SCD5: variants seen among roughly 807,000 people sequenced by gnomAD.
The protein encoded by SCD5 is stearoyl-CoA desaturase 5, also known as acyl-CoA-desaturase 4.
Under a neutral mutation model 30.4 loss-of-function variants are expected in SCD5, and 20 were observed. That is an observed-to-expected ratio of 0.66 (90% CI 0.46 to 0.96). SCD5 has a LOEUF of 0.96. SCD5 is among the 40% of genes least tolerant of loss of function. SCD5 has a pLI of 0.00. For missense variants in SCD5, 381 were observed against 443.3 expected, an observed-to-expected ratio of 0.86 and a Z score of 1.26; for synonymous variants, 173 against 176.4, an observed-to-expected ratio of 0.98 and a Z score of 0.16.
intron 3 of SCD5, chr4:82,660,715 C>T (rs1404858484): frequency 1.2e-5 from 17 of 1,448,772 alleles, no homozygotes; most frequent in Non-Finnish European, 1.5e-5. Flanking sequence ...GTAGCTGCCT[C>T]CTTGTGTCAA....
chr4:82,641,159 CAGG>C (rs1727534418), intron 3 of SCD5, among the ~76,000 whole-genome samples: 1 of 138,760 alleles, frequency 7.2e-6, no homozygotes, highest in Non-Finnish European at 1.5e-5. Context: ...GAGGCTGAGG[CAGG>C]AGAATTGCTT....
At position 82,766,355 on chromosome 4, in the gene SCD5, T is replaced by G. The variant is rs148894628; in HGVS notation, c.232+31951A>C. ...TGTTTTCAAATTCACTAATTTATTT[T>G]TTTGCAGTGTGTAAATAAATCCTAT... is the stretch of plus-strand genomic sequence containing the variant. On this transcript the variant is annotated intron_variant, in intron 1 of 4. Coordinates refer to ENST00000319540, the MANE Select transcript of SCD5 (RefSeq NM_001037582.3). Among the ~76,000 whole-genome samples, 382 of 152,362 alleles carry G rather than the reference T, an allele frequency of 2.5e-3. 1 individual carries two copies. The highest frequency in any genetic ancestry group is 8.7e-3 in the African/African-American group (362 of 41,584).
chr4:82,797,706 T>C (rs1053577919), intron 1 of SCD5, among the ~76,000 whole-genome samples: 1 of 151,238 alleles, frequency 6.6e-6, no homozygotes, highest in African/African-American at 2.4e-5. Flanking sequence ...GCATAGAAGA[T>C]TGCGGAGGGG....
At chr4:82,741,379 A>C (rs1720869743) in intron 1 of SCD5, among the ~76,000 whole-genome samples, 1 of 152,146 alleles carries the variant, frequency 6.6e-6, no homozygotes, top group Non-Finnish European at 1.5e-5. Context: ...AAACACTGCC[A>C]TGCTTGTTCT....
At chr4:82,721,790 C>A (rs1720374922) in intron 1 of SCD5, among the ~76,000 whole-genome samples, 1 of 152,220 alleles carries the variant, frequency 6.6e-6, no homozygotes, top group South Asian at 2.1e-4. Context: ...TAAGCCACCC[C>A]ATCCGTAGTA....
At chr4:82,664,136 C>T (rs1327590186) in intron 3 of SCD5, among the ~76,000 whole-genome samples, 1 of 152,092 alleles carries the variant, frequency 6.6e-6, no homozygotes, top group African/African-American at 2.4e-5. Flanking sequence ...CAGCTAAAAG[C>T]CGAGGGTACA....
At chr4:82,767,555 G>A (rs866306756) in intron 1 of SCD5, among the ~76,000 whole-genome samples, 7 of 152,090 alleles carry the variant, frequency 4.6e-5, no homozygotes, top group South Asian at 2.1e-4. Flanking sequence ...CACATATTTT[G>A]TCTAGTTTTT....
At chr4:82,797,815 G>C (rs1489573555) in intron 1 of SCD5, among the ~76,000 whole-genome samples, 1 of 152,104 alleles carries the variant, frequency 6.6e-6, no homozygotes, top group Non-Finnish European at 1.5e-5. Context: ...TCTCCTCCCC[G>C]GTCCAACTCC....
At chr4:82,765,146 A>G (rs1365293432) in intron 1 of SCD5, among the ~76,000 whole-genome samples, 1 of 152,186 alleles carries the variant, frequency 6.6e-6, no homozygotes, top group African/African-American at 2.4e-5. Context: ...TTTTAATTGA[A>G]GGACTTCCTT....
At chr4:82,758,729 GC>G (rs1721283080) in intron 1 of SCD5, among the ~76,000 whole-genome samples, 1 of 152,136 alleles carries the variant, frequency 6.6e-6, no homozygotes, top group South Asian at 2.1e-4. Context: ...GGGAGGGCGG[GC>G]CTTCCTTACC....
chr4:82,695,209 A>C (rs750060343), intron 2 of SCD5, among the ~76,000 whole-genome samples: 14 of 152,144 alleles, frequency 9.2e-5, no homozygotes, highest in Non-Finnish European at 2.1e-4. Context: ...AGAACATAAC[A>C]GTGAGGTTGG....
intron 2 of SCD5, chr4:82,692,342 G>A (rs140600698): frequency 1.5e-3 from 243 of 156,988 alleles, no homozygotes; most frequent in Non-Finnish European, 2.9e-3. Flanking sequence ...TGCCCATGCA[G>A]TTCTTGGTCT....
chr4:82,731,799 A>C (rs1720648531), intron 1 of SCD5, among the ~76,000 whole-genome samples: 1 of 152,110 alleles, frequency 6.6e-6, no homozygotes, highest in Non-Finnish European at 1.5e-5. Context: ...TCACACAAAT[A>C]CTGAACCCCA....
chr4:82,760,791 T>C (rs1324411655), intron 1 of SCD5, among the ~76,000 whole-genome samples: 3 of 152,232 alleles, frequency 2.0e-5, no homozygotes, highest in Admixed American at 6.5e-5. Context: ...ATACGCCACC[T>C]TGTATGGCAA....
intron 3 of SCD5, among the ~76,000 whole-genome samples, chr4:82,648,056 G>A (rs867151507): frequency 3.9e-5 from 6 of 152,346 alleles, no homozygotes; most frequent in Middle Eastern, 6.8e-3. Flanking sequence ...TCAAGTCCAC[G>A]AAAAGAGAGT....
chr4:82,707,969 T>C (rs1248110294), intron 1 of SCD5, among the ~76,000 whole-genome samples: 1 of 152,194 alleles, frequency 6.6e-6, no homozygotes, highest in Non-Finnish European at 1.5e-5. Flanking sequence ...ATAACTTGAA[T>C]ACAAAACATA....
Position 82,682,901 on chromosome 4 carries a change from C to T in SCD5, c.364-1989G>A, listed in dbSNP as rs561467994. Among the ~76,000 whole-genome samples, 7 of 152,230 alleles carry T rather than the reference C, an allele frequency of 4.6e-5. No individual in the cohort carries two copies. The South Asian group carries it at 8.3e-4, about 18-fold the overall frequency. On this transcript the variant is annotated intron_variant, in intron 2 of 4. Transcript: ENST00000319540. ...TGTGATCTTCGGTCCCTGAAACCTC[C>T]GCCTCCTGGGTTCATGCAATTCTCC...
intron 1 of SCD5, among the ~76,000 whole-genome samples, chr4:82,786,887 T>C (rs1249455550): frequency 1.3e-5 from 2 of 152,076 alleles, no homozygotes; most frequent in African/African-American, 4.8e-5. Flanking sequence ...GTAGGCATTG[T>C]ACATGCCTTG....
At chr4:82,790,748 GAAT>G (rs1200588012) in intron 1 of SCD5, among the ~76,000 whole-genome samples, 1 of 151,938 alleles carries the variant, frequency 6.6e-6, no homozygotes, top group Non-Finnish European at 1.5e-5. Context: ...TAAGGAAACT[GAAT>G]AATGGTTCTC....
Sources: allele counts gnomAD v4.1 joint callset (sites outside exome capture counted in the v4.1 genomes callset), GRCh38; gene constraint gnomAD v4.1.1; transcripts MANE v1.5; gene names NCBI Gene and HGNC (gene_info 2026-07-23, HGNC 2026-07-21).